Variants in SPTAN1 observed in about 807,000 individuals in gnomAD.
The protein encoded by SPTAN1 is spectrin alpha, non-erythrocytic 1.
In SPTAN1, 61 loss-of-function variants were observed where a neutral mutation model predicts 331.3. That is an observed-to-expected ratio of 0.18 (90% CI 0.15 to 0.23). The LOEUF (loss-of-function observed/expected upper bound fraction) is 0.23, where lower values mean the gene tolerates loss of function less well. Ranked by LOEUF, SPTAN1 falls within the 10% of genes least tolerant of loss-of-function variation. The pLI is 1.00. For missense variants in SPTAN1, 2,043 were observed against 3,147.9 expected (o/e 0.65, Z 8.40); for synonymous variants, 1,153 against 1,173.9 (o/e 0.98, Z 0.36).
In SPTAN1 at chr9:128,577,323, A is replaced by C; in HGVS notation, c.931-29A>C. The C allele has an allele frequency of 6.2e-7, 1 of 1,614,196 alleles. No individual in the cohort carries two copies. Among genetic ancestry groups the C allele is most frequent in the East Asian group, 2.2e-5 (1 of 44,884 alleles). ...TGTAAATAAGTTACCAAGGGTCAGG[A>C]GAATAGTTCTGACGGAGTTCATTTC... On this transcript the variant is annotated intron_variant, in intron 7 of 56. Transcript: ENST00000372739. This position sits in a 1 kb window ranked among gnomAD's most constrained non-coding sequence, Gnocchi z 4.2.
chr9:128,598,613 G>GCTTGGCTGTAGGTCAGGTCCT, intron 25 of SPTAN1, 109 bp downstream of exon 25: 2 of 998,688 alleles, frequency 2.0e-6, no homozygotes, highest in Non-Finnish European at 1.6e-6. Flanking sequence ...CAGAACTGTG[G>GCTTGGCTGTAGGTCAGGTCCT]CTTGGCTGTA....
At chr9:128,576,755 C>G (rs1564210100) in intron 5 of SPTAN1, 68 bp from the exon 6 acceptor site, 1 of 1,597,564 alleles carries the variant, frequency 6.3e-7, no homozygotes, top group African/African-American at 1.3e-5. Context: ...AAGGAACCAA[C>G]CCCAGGGTAA....
chr9:128,612,187 G>A lies in SPTAN1; in HGVS notation c.4984G>A (p.Ala1662Thr). ...GGAAAAGAGCCAGAAACTGAAAGAA[G>A]CCAACAAGCAGCAGAACTTCAACAC... ...SAEKSQKLKE[A>T]NKQQNFNTGI... The change falls in exon 39 of 57, where the codon GCC (alanine) becomes ACC (threonine). Residue 1662 changes from alanine to threonine, a missense_variant. Coordinates refer to ENST00000372739, the MANE Select transcript of SPTAN1 (RefSeq NM_001130438.3). The A allele has an allele frequency of 6.2e-7, 1 of 1,614,150 alleles. No individual in the cohort carries two copies. Among genetic ancestry groups the A allele is most frequent in the Non-Finnish European group, 8.5e-7 (1 of 1,180,042 alleles).
intron 2 of SPTAN1, among the ~76,000 whole-genome samples, chr9:128,567,839 C>G (rs181105962): frequency 2.0e-4 from 30 of 152,134 alleles, no homozygotes; most frequent in Non-Finnish European, 3.4e-4. Flanking sequence ...CAGCTCACTG[C>G]AACCTCTGCC....
rs893217827 is a variant in SPTAN1, at chr9:128,633,617, A to C, written c.*283A>C. ...TTGTTCTCTCTCCCACCCTCCCCCA[A>C]ATCTGTTTTCATGTAAAAGACAAAT... On this transcript the variant is annotated 3_prime_UTR_variant, in exon 57 of 57. Transcript: ENST00000372739. 6.4e-6 allele frequency: 8 copies of C among 1,253,484 alleles called. No individual in the cohort carries two copies. In the African/African-American group the frequency reaches 1.2e-4, roughly 19 times the overall value. The allele number at this position is 1,253,484 out of a possible 1,614,324, so 77.6% of individuals were successfully genotyped here. A position where few individuals can be genotyped will look rare whatever the true frequency, so the allele number is the denominator to read the frequency against.
chr9:128,608,282 G>A lies in SPTAN1; in HGVS notation c.4491+6G>A, dbSNP rs748113883. 9.3e-6 allele frequency: 15 copies of A among 1,614,022 alleles called. No homozygotes were observed. In the Admixed American group the frequency reaches 2.5e-4, roughly 27 times the overall value. ...ACAAAGCGATTAACGTCCAGGTGAGGCCTCTGGACCATGGAGTTGGAGTCT... is the reference window on the plus strand; with the variant it reads ...ACAAAGCGATTAACGTCCAGGTGAGACCTCTGGACCATGGAGTTGGAGTCT... On this transcript the variant is annotated splice_donor_region_variant and intron_variant, in intron 34 of 56. Transcript: ENST00000372739.
At chr9:128,598,619 C>T (rs1195375683) in intron 25 of SPTAN1, 115 bp downstream of exon 25, 1 of 939,502 alleles carries the variant, frequency 1.1e-6, no homozygotes, top group African/African-American at 1.6e-5. Flanking sequence ...TGTGGCTTGG[C>T]TGTAGGTCAG....
At chr9:128,578,528 T>C (rs974379214) in intron 9 of SPTAN1, among the ~76,000 whole-genome samples, 1 of 152,076 alleles carries the variant, frequency 6.6e-6, no homozygotes, top group African/African-American at 2.4e-5. Context: ...TGATCCTTTG[T>C]GATGTAAAAA....
At chr9:128,555,227 AAAATATCTG>A (rs1848495957) in intron 1 of SPTAN1, 1 of 672,754 alleles carries the variant, frequency 1.5e-6, no homozygotes, top group Non-Finnish European at 2.2e-6. Flanking sequence ...AGACACTGAA[AAAATATCTG>A]AAATTGGATT....
rs1859418002 is a variant in SPTAN1 at position 128,629,932 on chromosome 9, C to A, written c.6708-389C>A. On this transcript the variant is annotated intron_variant, in intron 51 of 56. Transcript: ENST00000372739. This position sits in a 1 kb window ranked among gnomAD's most constrained non-coding sequence, Gnocchi z 4.9. ...GTCAGGTTCTCAGCCTCCCCTCTGC[C>A]CTGAGGTCTCCTGTCTGTCAGGTGT... is the stretch of plus-strand genomic sequence containing the variant. 2.7e-6 allele frequency: 1 copy of A among 367,592 alleles called. No individual in the cohort carries two copies. The highest frequency in any genetic ancestry group is 5.3e-6 in the Non-Finnish European group (1 of 188,556). 22.8% of individuals were successfully genotyped at this position (367,592 alleles called of 1,614,324 possible).
At chr9:128,588,678 T>C in intron 20 of SPTAN1, 131 bp from the exon 21 acceptor site, 1 of 1,298,130 alleles carries the variant, frequency 7.7e-7, no homozygotes, top group Non-Finnish European at 1.1e-6. Flanking sequence ...ATTGGTAGCT[T>C]CAGTGAAGAA....
chr9:128,629,862 C>T lies in SPTAN1; in HGVS notation c.6708-459C>T. 1 of 328,376 alleles carries T rather than the reference C, an allele frequency of 3.0e-6. No homozygotes were observed. The highest frequency in any genetic ancestry group is 6.0e-6 in the Non-Finnish European group (1 of 166,388). 20.3% of individuals were successfully genotyped at this position (328,376 alleles called of 1,614,324 possible). A position where few individuals can be genotyped will look rare whatever the true frequency, so the allele number is the denominator to read the frequency against. On this transcript the variant is annotated intron_variant, in intron 51 of 56. Transcript: ENST00000372739. The surrounding 1 kb of genome is among the most constrained non-coding windows in gnomAD (Gnocchi z 4.9). ...TTCCCCCTAGAATGGGGCTCCCTCC[C>T]TCAGGAACCTTGCCGGGACACTCCA...
rs1276946159 is a variant in SPTAN1, at chr9:128,552,652, A to AC, written c.-44dup. ...CGCGGAGGCTCCTCGGTCCTTCAGC[A>AC]CCCCTCGGCCCGACGCACCCACGCC... On this transcript the variant is annotated 5_prime_UTR_variant, in exon 1 of 57. Coordinates refer to ENST00000372739, the MANE Select transcript of SPTAN1 (RefSeq NM_001130438.3). This position sits in a 1 kb window ranked among gnomAD's most constrained non-coding sequence, Gnocchi z 4.6. 6.6e-6 allele frequency: 1 copy of AC among 150,756 alleles called. No individual in the cohort carries two copies. Among genetic ancestry groups the AC allele is most frequent in the Non-Finnish European group, 1.5e-5 (1 of 67,638 alleles). 9.3% of individuals were successfully genotyped at this position (150,756 alleles called of 1,614,324 possible). A position where few individuals can be genotyped will look rare whatever the true frequency, so the allele number is the denominator to read the frequency against.
At chr9:128,594,551 A>T (rs981727332) in intron 24 of SPTAN1, among the ~76,000 whole-genome samples, 178 bp downstream of exon 24, 3 of 147,326 alleles carry the variant, frequency 2.0e-5, no homozygotes, top group Admixed American at 7.0e-5. Context: ...CTGCCTCAGC[A>T]TCCTGAGTTG....
At chr9:128,569,145 T>C (rs547483474) in intron 3 of SPTAN1, among the ~76,000 whole-genome samples, 4 of 152,346 alleles carry the variant, frequency 2.6e-5, no homozygotes, top group African/African-American at 9.6e-5. Flanking sequence ...GATTATACTT[T>C]AAAGAAAACT....
At chr9:128,592,761 C>G (rs1853699788) in intron 22 of SPTAN1, among the ~76,000 whole-genome samples, 1 of 152,164 alleles carries the variant, frequency 6.6e-6, no homozygotes, top group Admixed American at 6.6e-5. Context: ...CATGGCAGAC[C>G]CGCCAGGAAA....
At chr9:128,606,487 AT>A (rs200725239) in intron 31 of SPTAN1, among the ~76,000 whole-genome samples, 1,279 of 7,506 alleles carry the variant, frequency 0.17, 7 homozygotes, top group Non-Finnish European at 0.36. Flanking sequence ...ATATATATAT[AT>A]TTTTTTTTTG....
In SPTAN1 at chr9:128,585,958, C is replaced by T. The variant is rs1852552834; in HGVS notation, c.2771C>T (p.Ser924Phe). The T allele has an allele frequency of 1.9e-6, 3 of 1,612,472 alleles. No homozygotes were observed. Among genetic ancestry groups the T allele is most frequent in the Non-Finnish European group, 2.5e-6 (3 of 1,179,988 alleles). ...GSTDYGKDED[S>F]AEALLKKHEA... is the part of the protein sequence containing the mutation. ...ACTGACTATGGCAAGGACGAAGACT[C>T]TGCTGAGGTAACCAGGCGTGGGAAG... is the stretch of plus-strand genomic sequence containing the variant. Residue 924 changes from serine to phenylalanine, a missense_variant, in exon 19 of 57, where the codon TCT (serine) becomes TTT (phenylalanine). This residue lies in a region of SPTAN1 where 1,038 missense variants were observed against 1,531.5 expected (regional missense o/e 0.68). Coordinates refer to ENST00000372739, the MANE Select transcript of SPTAN1 (RefSeq NM_001130438.3).
chr9:128,568,743 C>G (rs538283243), intron 2 of SPTAN1, 29 bp from the exon 3 acceptor site: 25 of 1,613,392 alleles, frequency 1.5e-5, no homozygotes, highest in Non-Finnish European at 1.9e-5. Context: ...GTGGTTGCGT[C>G]TGAGGCTCAC....
Sources: gnomAD v4.1 joint callset for allele counts (sites outside exome capture counted in the v4.1 genomes callset) on GRCh38, gnomAD v4.1.1 for gene constraint, gnomAD v4.1.1 regional missense constraint, Gnocchi (gnomAD v3.1) non-coding constraint, MANE v1.5 for transcripts, NCBI Gene and HGNC (gene_info 2026-07-23, HGNC 2026-07-21) for gene names.